The following CCDC178 variants were observed in gnomAD, a reference collection of about 807,000 sequenced individuals.
CCDC178 encodes coiled-coil domain containing 178.
In CCDC178, 126 loss-of-function variants were observed where a neutral mutation model predicts 117.4. That is an observed-to-expected ratio of 1.07 (90% CI 0.93 to 1.24). The LOEUF is 1.24. CCDC178 is among the 50% of genes most tolerant of loss of function. CCDC178 has a pLI of 0.00. For missense variants in CCDC178, 1,030 were observed against 986.9 expected (o/e 1.04, Z -0.59); for synonymous variants, 283 against 313.4 (o/e 0.90, Z 1.02).
chr18:33,138,753 C>T (rs1296284783), intron 20 of CCDC178, among the ~76,000 whole-genome samples: 1 of 152,038 alleles, frequency 6.6e-6, no homozygotes, highest in Non-Finnish European at 1.5e-5. Context: ...AAAACTAGTG[C>T]ATATCATCAT....
At chr18:32,939,230 A>C (rs2054186321) in intron 22 of CCDC178, among the ~76,000 whole-genome samples, 1 of 152,164 alleles carries the variant, frequency 6.6e-6, no homozygotes, top group African/African-American at 2.4e-5. Context: ...GATATGTGTT[A>C]ATATGTATTT....
chr18:33,194,789 C>T (rs572938920), intron 20 of CCDC178, among the ~76,000 whole-genome samples: 1 of 151,004 alleles, frequency 6.6e-6, no homozygotes, highest in African/African-American at 2.4e-5. Flanking sequence ...TCAGGCTTGG[C>T]ATGGTGGCTC....
At chr18:33,283,771 A>T (rs80040144) in intron 12 of CCDC178, among the ~76,000 whole-genome samples, 1 of 152,156 alleles carries the variant, frequency 6.6e-6, no homozygotes, top group Non-Finnish European at 1.5e-5. Context: ...TGCTGGTGAG[A>T]TTGTGGAGAA....
chr18:33,165,138 G>C (rs2058513491), intron 20 of CCDC178, among the ~76,000 whole-genome samples: 1 of 152,084 alleles, frequency 6.6e-6, no homozygotes, highest in Non-Finnish European at 1.5e-5. Context: ...CTGCAGATGT[G>C]AAAGTTTCTT....
intron 1 of CCDC178, chr18:33,440,441 G>C (rs983028491): frequency 6.6e-6 from 1 of 152,204 alleles, no homozygotes; most frequent in South Asian, 2.1e-4. Context: ...TTGGGGAATT[G>C]TTTTCAAACG....
At chr18:33,107,776 C>G (rs1338223720) in intron 20 of CCDC178, among the ~76,000 whole-genome samples, 1 of 151,646 alleles carries the variant, frequency 6.6e-6, no homozygotes, top group Non-Finnish European at 1.5e-5. Flanking sequence ...TGGGTAAAGA[C>G]TTTTAGAGAG....
At chr18:33,315,878 A>G (rs1225183199) in intron 11 of CCDC178, among the ~76,000 whole-genome samples, 1 of 152,238 alleles carries the variant, frequency 6.6e-6, no homozygotes, top group Non-Finnish European at 1.5e-5. Flanking sequence ...GTTAAAGATA[A>G]TAATACCGAT....
At chr18:33,179,116 A>ATATATATAAAC (rs1568037105) in intron 20 of CCDC178, among the ~76,000 whole-genome samples, 2 of 115,822 alleles carry the variant, frequency 1.7e-5, no homozygotes, top group Non-Finnish European at 3.5e-5. Context: ...TATAAACTAT[A>ATATATATAAAC]TATATATATA....
At chr18:32,953,580 G>A (rs1010256949) in intron 22 of CCDC178, among the ~76,000 whole-genome samples, 3 of 152,060 alleles carry the variant, frequency 2.0e-5, no homozygotes, top group African/African-American at 7.2e-5. Context: ...TCCCATTCCT[G>A]AACTCATCTT....
At chr18:33,124,844 T>C (rs888782690) in intron 20 of CCDC178, among the ~76,000 whole-genome samples, 2 of 152,210 alleles carry the variant, frequency 1.3e-5, no homozygotes, top group Non-Finnish European at 2.9e-5. Context: ...TGTTTGTGTA[T>C]ACAAAGGCTT....
At chr18:33,120,195 GAA>G (rs35478965) in intron 20 of CCDC178, among the ~76,000 whole-genome samples, 98 of 146,898 alleles carry the variant, frequency 6.7e-4, no homozygotes, top group Middle Eastern at 3.5e-3. Flanking sequence ...AATAAAGAAA[GAA>G]AAAAAAAAGA....
At chr18:33,046,181 T>C (rs1469135251) in intron 21 of CCDC178, among the ~76,000 whole-genome samples, 1 of 152,208 alleles carries the variant, frequency 6.6e-6, no homozygotes, top group Non-Finnish European at 1.5e-5. Flanking sequence ...TTGGTCTTGA[T>C]TTCTAGCTGA....
At chr18:33,140,358 C>T (rs189715346) in intron 20 of CCDC178, among the ~76,000 whole-genome samples, 30 of 152,048 alleles carry the variant, frequency 2.0e-4, no homozygotes, top group Admixed American at 5.2e-4. Flanking sequence ...ACTGTGTGCC[C>T]GGAAAAGACA....
At chr18:33,255,929 A>G (rs901768510) in intron 14 of CCDC178, among the ~76,000 whole-genome samples, 4 of 151,582 alleles carry the variant, frequency 2.6e-5, no homozygotes, top group Non-Finnish European at 5.9e-5. Context: ...GGATAGCATC[A>G]AAGAGGGCAT....
intron 11 of CCDC178, among the ~76,000 whole-genome samples, chr18:33,316,287 G>A (rs9949175): frequency 2.0e-5 from 3 of 152,216 alleles, no homozygotes; most frequent in African/African-American, 7.2e-5. Flanking sequence ...CGCGAGTTCC[G>A]TGGGTGTGAG....
chr18:33,080,310 T>C (rs1322339925), intron 21 of CCDC178, among the ~76,000 whole-genome samples: 4 of 151,946 alleles, frequency 2.6e-5, no homozygotes, highest in Non-Finnish European at 5.9e-5. Flanking sequence ...GAACAGAAAA[T>C]AGGTACTATG....
Position 32,938,103 on chromosome 18 carries a change from C to A in CCDC178, c.2524-12G>T, listed in dbSNP as rs1399443207. The A allele has an allele frequency of 1.3e-6, 2 of 1,596,278 alleles. No individual in the cohort carries two copies. The highest frequency in any genetic ancestry group is 1.7e-6 in the Non-Finnish European group (2 of 1,164,146). ...TTTGAAGATTCCTCCTGTTCAGAAGCAAGAAACAAACAAAATCAATAAGTA... is the reference window on the plus strand; with the variant it reads ...TTTGAAGATTCCTCCTGTTCAGAAGAAAGAAACAAACAAAATCAATAAGTA... On this transcript the variant is annotated splice_polypyrimidine_tract_variant and intron_variant, in intron 22 of 22. Transcript: ENST00000383096.
At chr18:33,081,561 C>T (rs1231278039) in intron 21 of CCDC178, among the ~76,000 whole-genome samples, 1 of 152,192 alleles carries the variant, frequency 6.6e-6, no homozygotes, top group Non-Finnish European at 1.5e-5. Context: ...TCTGCTTTTA[C>T]AGATAACATT....
chr18:33,234,934 T>C (rs1006484262), intron 15 of CCDC178, among the ~76,000 whole-genome samples: 2 of 152,190 alleles, frequency 1.3e-5, no homozygotes, highest in African/African-American at 4.8e-5. Context: ...GGAATTCTTA[T>C]AGAAGTTGCA....
Sources: allele counts gnomAD v4.1 joint callset (sites outside exome capture counted in the v4.1 genomes callset), GRCh38; gene constraint gnomAD v4.1.1; transcripts MANE v1.5; gene names NCBI Gene and HGNC (gene_info 2026-07-23, HGNC 2026-07-21).